TBCE: variants seen among roughly 807,000 people sequenced by gnomAD.
The protein encoded by TBCE is tubulin folding cofactor E.
TBCE carries 53 observed loss-of-function variants against 77.0 expected under a neutral mutation model. The ratio of observed to expected loss-of-function variants is 0.69; its 90% CI spans 0.55 to 0.87. The LOEUF (loss-of-function observed/expected upper bound fraction) is 0.87. Ranked by LOEUF, TBCE falls within the 40% of genes least tolerant of loss-of-function variation. The pLI is 0.00. For missense variants in TBCE, 624 were observed against 622.4 expected (o/e 1.00, Z -0.03); for synonymous variants, 235 against 241.3 (o/e 0.97, Z 0.24).
At chr1:235,448,516 G>GCAA (rs1387729710) in intron 16 of TBCE, 76 bp downstream of exon 16, 2 of 1,473,010 alleles carry the variant, frequency 1.4e-6, no homozygotes, top group East Asian at 4.5e-5. Context: ...TCTCTAGATA[G>GCAA]CAACAGTTTG....
chr1:235,382,085 A>G (rs1212919145), intron 2 of TBCE, among the ~76,000 whole-genome samples: 1 of 150,332 alleles, frequency 6.7e-6, no homozygotes, highest in Non-Finnish European at 1.5e-5. Flanking sequence ...TGTCCTTGTG[A>G]TAGTTTACTG....
intron 6 of TBCE, among the ~76,000 whole-genome samples, chr1:235,427,498 A>T (rs1336584586): frequency 6.6e-6 from 1 of 152,180 alleles, no homozygotes; most frequent in Admixed American, 6.6e-5. Flanking sequence ...CTGCAGACAT[A>T]GATGCAGACA....
intron 3 of TBCE, among the ~76,000 whole-genome samples, chr1:235,404,922 A>G (rs1212856069): frequency 2.7e-5 from 4 of 150,030 alleles, no homozygotes; most frequent in Non-Finnish European, 4.4e-5. Flanking sequence ...AGCCTCCCAA[A>G]GTGCTGGGAT....
intron 3 of TBCE, among the ~76,000 whole-genome samples, chr1:235,413,163 C>T (rs924409938): frequency 4.6e-5 from 7 of 152,100 alleles, no homozygotes; most frequent in Non-Finnish European, 8.8e-5. Flanking sequence ...TGGTTGTTGC[C>T]TGGGCAACGT....
chr1:235,419,259 A>T, intron 4 of TBCE: 1 of 657,784 alleles, frequency 1.5e-6, no homozygotes, highest in Non-Finnish European at 2.6e-6. Context: ...TTGTGTTTGG[A>T]GAGGGCCCCA....
chr1:235,408,441 T>TG (rs935032263), intron 3 of TBCE, among the ~76,000 whole-genome samples: 24 of 152,038 alleles, frequency 1.6e-4, no homozygotes, highest in Non-Finnish European at 3.1e-4. Flanking sequence ...GATTTTTTTT[T>TG]TTTTTTAATC....
At chr1:235,442,780 T>C in intron 14 of TBCE, 72 bp from the exon 15 acceptor site, 1 of 1,453,490 alleles carries the variant, frequency 6.9e-7, no homozygotes, top group South Asian at 1.2e-5. Context: ...GGCCATCTGT[T>C]GATGTGTGTG....
chr1:235,392,404 T>TTTTTTC (rs1678445118), intron 2 of TBCE, among the ~76,000 whole-genome samples: 2 of 57,540 alleles, frequency 3.5e-5, no homozygotes, highest in African/African-American at 3.4e-4. Context: ...AACAGAATTT[T>TTTTTTC]TTTTTTTTTT....
At chr1:235,426,819 T>G (rs540541955) in intron 5 of TBCE, among the ~76,000 whole-genome samples, 2 of 152,294 alleles carry the variant, frequency 1.3e-5, no homozygotes, top group South Asian at 2.1e-4. Context: ...TTAATTTCTG[T>G]ATTTTTAGTA....
Position 235,450,299 on chromosome 1 carries a change from C to T in TBCE, c.*1537C>T, listed in dbSNP as rs780477848. 3 of 1,613,354 alleles carry T rather than the reference C, an allele frequency of 1.9e-6. No homozygotes were observed. The highest frequency in any genetic ancestry group is 2.2e-5 in the South Asian group (2 of 91,054). Reference sequence around the variant, plus strand: ...ACGGAGAATACTGAGGAGAAGACAGCATTCCTGTCTCACAGGTCTTCTCAC... The same window carrying T: ...ACGGAGAATACTGAGGAGAAGACAGTATTCCTGTCTCACAGGTCTTCTCAC... On this transcript the variant is annotated 3_prime_UTR_variant, in exon 17 of 17. Coordinates refer to ENST00000642610, the MANE Select transcript of TBCE (RefSeq NM_003193.5).
intron 7 of TBCE, chr1:235,433,153 A>G: frequency 7.0e-7 from 1 of 1,436,918 alleles, no homozygotes; most frequent in Non-Finnish European, 9.2e-7. Context: ...TGCTATCTGC[A>G]GGACTGTTTG....
chr1:235,438,921 G>A lies in TBCE; in HGVS notation c.1269G>A (p.Leu423=), dbSNP rs1229251487. Residue 423 remains leucine, a splice_region_variant and synonymous_variant, in exon 13 of 17, where the codon CTG becomes CTA. Transcript: ENST00000642610. ...TAHPRYQFLC[L]KYGAPEDWEL... ...ATCCCAGATACCAGTTCCTCTGCCT[G>A]AGTACGTGCGTATACACTGGTGGCC... 6.2e-7 allele frequency: 1 copy of A among 1,614,162 alleles called. No individual in the cohort carries two copies.
intron 9 of TBCE, 190 bp from the exon 10 acceptor site, chr1:235,436,196 A>G (rs1003504999): frequency 7.9e-6 from 5 of 634,188 alleles, no homozygotes; most frequent in South Asian, 1.9e-5. Context: ...TTAGGTGACT[A>G]TGGAGTCATT....
intron 2 of TBCE, among the ~76,000 whole-genome samples, chr1:235,380,850 A>C (rs977777272): frequency 6.6e-6 from 1 of 152,046 alleles, no homozygotes; most frequent in African/African-American, 2.4e-5. Flanking sequence ...TAGTGGTGCG[A>C]TGTTGGCTCA....
chr1:235,434,024 A>G, intron 7 of TBCE, 180 bp from the exon 8 acceptor site: 4 of 610,872 alleles, frequency 6.5e-6, no homozygotes, highest in South Asian at 5.2e-5. Flanking sequence ...GCACCCCCTT[A>G]ACATTTTATT....
At chr1:235,423,113 G>T (rs772079811) in intron 5 of TBCE, among the ~76,000 whole-genome samples, 2 of 152,052 alleles carry the variant, frequency 1.3e-5, no homozygotes, top group Non-Finnish European at 2.9e-5. Flanking sequence ...TCCTTTTTTG[G>T]GTTGGTCTGT....
chr1:235,378,292 C>T (rs985128361), intron 1 of TBCE, among the ~76,000 whole-genome samples: 3 of 152,124 alleles, frequency 2.0e-5, no homozygotes, highest in Non-Finnish European at 4.4e-5. Flanking sequence ...ATGATCTTGG[C>T]TTACTGCAGC....
intron 4 of TBCE, among the ~76,000 whole-genome samples, chr1:235,418,066 G>A (rs780371227): frequency 1.3e-5 from 2 of 152,204 alleles, no homozygotes; most frequent in African/African-American, 2.4e-5. Flanking sequence ...ACAGGCATAA[G>A]CCACTGCCCC....
chr1:235,445,981 CTATT>C (rs1168678178), intron 15 of TBCE, among the ~76,000 whole-genome samples: 7 of 152,074 alleles, frequency 4.6e-5, no homozygotes, highest in Non-Finnish European at 1.0e-4. Flanking sequence ...CCACATGTGG[CTATT>C]TAAATTCATT....
Sources: allele counts gnomAD v4.1 joint callset (sites outside exome capture counted in the v4.1 genomes callset), GRCh38; gene constraint gnomAD v4.1.1; transcripts MANE v1.5; gene names NCBI Gene and HGNC (gene_info 2026-07-23, HGNC 2026-07-21).